CADM2: variants seen among roughly 807,000 people sequenced by gnomAD.
CADM2 encodes cell adhesion molecule 2.
CADM2 carries 12 observed loss-of-function variants against 49.8 expected under a neutral mutation model. The observed-to-expected ratio is 0.24, with a 90% CI of 0.15 to 0.39. The LOEUF (loss-of-function observed/expected upper bound fraction) is 0.39, where lower values mean the gene tolerates loss of function less well. CADM2 is among the 10% of genes least tolerant of loss of function. The pLI, the probability that CADM2 is intolerant of heterozygous loss-of-function variation, is 1.00. For synonymous variants in CADM2, 214 were observed against 175.4 expected (o/e 1.22, Z -1.74); for missense variants, 378 against 492.3 (o/e 0.77, Z 2.20).
At chr3:85,876,176 A>G (rs1014656439) in intron 3 of CADM2, among the ~76,000 whole-genome samples, 4 of 152,204 alleles carry the variant, frequency 2.6e-5, no homozygotes, top group Non-Finnish European at 5.9e-5. Flanking sequence ...TTATGAGTGT[A>G]AATGTTATAC....
At chr3:85,731,644 G>A (rs1237706799) in intron 2 of CADM2, among the ~76,000 whole-genome samples, 1 of 152,000 alleles carries the variant, frequency 6.6e-6, no homozygotes, top group Non-Finnish European at 1.5e-5. Context: ...GCATTCATAT[G>A]TTTATATTCA....
chr3:85,721,254 T>A (rs1308279859), intron 1 of CADM2, among the ~76,000 whole-genome samples: 1 of 152,204 alleles, frequency 6.6e-6, no homozygotes, highest in African/African-American at 2.4e-5. Context: ...CATCTTCCAA[T>A]GGCAATGTTT....
intron 1 of CADM2, among the ~76,000 whole-genome samples, chr3:85,344,420 T>TAAATAAATA (rs780360612): frequency 6.9e-5 from 10 of 144,146 alleles, no homozygotes; most frequent in Non-Finnish European, 1.1e-4. Flanking sequence ...AATAAATAAA[T>TAAATAAATA]AATAATTATA....
chr3:85,885,680 CAAAAAA>C (rs1230774557), intron 4 of CADM2, among the ~76,000 whole-genome samples: 4 of 86,596 alleles, frequency 4.6e-5, no homozygotes, highest in East Asian at 6.9e-4. Context: ...GACTCTATCT[CAAAAAA>C]AAAAAAAAAA....
intron 1 of CADM2, among the ~76,000 whole-genome samples, chr3:85,651,195 G>A (rs954694558): frequency 1.3e-5 from 2 of 152,024 alleles, no homozygotes; most frequent in Non-Finnish European, 2.9e-5. Context: ...CAGAATTAAT[G>A]TAATACATTC....
chr3:86,024,784 G>T lies in CADM2; in HGVS notation c.971-40821G>T, dbSNP rs1368326762. Among the ~76,000 whole-genome samples, 4 of 151,934 alleles carry T rather than the reference G, an allele frequency of 2.6e-5. No homozygotes were observed. In the East Asian group the frequency reaches 7.7e-4, roughly 29 times the overall value. On this transcript the variant is annotated intron_variant, in intron 8 of 9. Coordinates refer to ENST00000383699, the MANE Select transcript of CADM2 (RefSeq NM_001167675.2). ...TGTTGAAGACCGAATAAAAATGAAGGATGCTCTATTAGTGTCAGTTTTCTT... is the reference window on the plus strand; with the variant it reads ...TGTTGAAGACCGAATAAAAATGAAGTATGCTCTATTAGTGTCAGTTTTCTT...
At chr3:85,191,774 T>G (rs760740290) in intron 1 of CADM2, among the ~76,000 whole-genome samples, 1 of 152,144 alleles carries the variant, frequency 6.6e-6, no homozygotes, top group Non-Finnish European at 1.5e-5. Context: ...TAGGCAATGA[T>G]GATCTAATTT....
chr3:85,409,196 C>G (rs968692560), intron 1 of CADM2, among the ~76,000 whole-genome samples: 3 of 152,054 alleles, frequency 2.0e-5, no homozygotes, highest in Non-Finnish European at 4.4e-5. Flanking sequence ...CTCTTCTTTC[C>G]TTTTTTGTGT....
intron 1 of CADM2, among the ~76,000 whole-genome samples, chr3:85,098,218 C>T (rs1431250295): frequency 1.3e-5 from 2 of 148,696 alleles, no homozygotes; most frequent in Non-Finnish European, 3.0e-5. Context: ...ACTGAATTCC[C>T]AGATTCTTTA....
chr3:85,410,454 A>C (rs540776072), intron 1 of CADM2, among the ~76,000 whole-genome samples: 1 of 152,284 alleles, frequency 6.6e-6, no homozygotes, highest in African/African-American at 2.4e-5. Context: ...CGTGCAGCTC[A>C]TTCAGACCAT....
chr3:85,408,010 C>CAAAAAAAAAAAAAA (rs372349246), intron 1 of CADM2, among the ~76,000 whole-genome samples: 41 of 56,138 alleles, frequency 7.3e-4, no homozygotes, highest in East Asian at 1.5e-3. Context: ...AAAACAAAAC[C>CAAAAAAAAAAAAAA]AAAAAAAAAA....
intron 1 of CADM2, among the ~76,000 whole-genome samples, chr3:85,697,239 C>A (rs1577107725): frequency 6.6e-6 from 1 of 151,828 alleles, no homozygotes; most frequent in Non-Finnish European, 1.5e-5. Context: ...GATTCAGATT[C>A]TTTCAGGAAG....
chr3:85,794,759 A>G (rs1275832244), intron 2 of CADM2, among the ~76,000 whole-genome samples: 6 of 152,060 alleles, frequency 3.9e-5, no homozygotes, highest in African/African-American at 1.2e-4. Flanking sequence ...ATACTGTACC[A>G]TCTGGGCTGT....
At chr3:85,533,925 C>T (rs564850764) in intron 1 of CADM2, among the ~76,000 whole-genome samples, 1 of 151,982 alleles carries the variant, frequency 6.6e-6, no homozygotes, top group East Asian at 1.9e-4. Flanking sequence ...TTTACATATT[C>T]TACAGAATAT....
At chr3:85,026,854 T>C (rs952651080) in intron 1 of CADM2, among the ~76,000 whole-genome samples, 2 of 151,996 alleles carry the variant, frequency 1.3e-5, no homozygotes, top group Non-Finnish European at 2.9e-5. Flanking sequence ...TGGTTGAAAA[T>C]GGAGATACTT....
chr3:85,141,678 A>G (rs764187658), intron 1 of CADM2, among the ~76,000 whole-genome samples: 6 of 152,166 alleles, frequency 3.9e-5, no homozygotes, highest in African/African-American at 1.4e-4. Context: ...ATGAATATAG[A>G]TAGGATATAT....
intron 1 of CADM2, among the ~76,000 whole-genome samples, chr3:85,344,459 G>T (rs562320658): frequency 6.6e-6 from 1 of 151,410 alleles, no homozygotes; most frequent in African/African-American, 2.4e-5. Flanking sequence ...AAAGCAGAGA[G>T]CATTATTTAT....
intron 1 of CADM2, among the ~76,000 whole-genome samples, chr3:84,994,948 A>G (rs2033096196): frequency 6.6e-6 from 1 of 151,884 alleles, no homozygotes; most frequent in African/African-American, 2.4e-5. Flanking sequence ...AATCATGTGA[A>G]CCCGGAAGGC....
At chr3:85,319,708 A>G (rs2044553618) in intron 1 of CADM2, among the ~76,000 whole-genome samples, 1 of 152,172 alleles carries the variant, frequency 6.6e-6, no homozygotes, top group South Asian at 2.1e-4. Context: ...ACCAAGTACC[A>G]TATGTTCTCA....
Sources: gnomAD v4.1 joint callset for allele counts (sites outside exome capture counted in the v4.1 genomes callset) on GRCh38, gnomAD v4.1.1 for gene constraint, MANE v1.5 for transcripts, NCBI Gene and HGNC (gene_info 2026-07-23, HGNC 2026-07-21) for gene names.